UBE2E2: variants seen among roughly 807,000 people sequenced by gnomAD.
The protein encoded by UBE2E2 is ubiquitin conjugating enzyme E2 E2.
UBE2E2 carries 6 observed loss-of-function variants against 24.7 expected under a neutral mutation model. The observed-to-expected ratio is 0.24, with a 90% CI of 0.13 to 0.48. UBE2E2 has a LOEUF of 0.48. Among genes scored for constraint, UBE2E2 ranks in the 20% least tolerant of loss-of-function variants. The pLI, the probability that UBE2E2 is intolerant of heterozygous loss-of-function variation, is 0.99. For missense variants in UBE2E2, 169 were observed against 245.0 expected (o/e 0.69, Z 2.07); for synonymous variants, 104 against 83.6 (o/e 1.24, Z -1.33).
At chr3:23,380,555 C>CT (rs893960574) in intron 3 of UBE2E2, among the ~76,000 whole-genome samples, 3 of 152,162 alleles carry the variant, frequency 2.0e-5, no homozygotes, top group African/African-American at 7.2e-5. Flanking sequence ...CCTCCCTGCC[C>CT]TATACCTTCT....
At chr3:23,249,523 A>G (rs17029562) in intron 3 of UBE2E2, among the ~76,000 whole-genome samples, 2,167 of 152,312 alleles carry the variant, frequency 0.014, 53 homozygotes, top group African/African-American at 0.05. Context: ...AAGCAAAGAG[A>G]TTGATTCAGG....
intron 4 of UBE2E2, among the ~76,000 whole-genome samples, chr3:23,512,987 T>C (rs1694642673): frequency 1.3e-5 from 2 of 152,174 alleles, no homozygotes; most frequent in South Asian, 2.1e-4. Flanking sequence ...ATGTACAGTA[T>C]ACTATATATA....
intron 3 of UBE2E2, among the ~76,000 whole-genome samples, chr3:23,267,150 A>G (rs1698072327): frequency 6.6e-6 from 1 of 151,336 alleles, no homozygotes. Flanking sequence ...AAGAACTAGA[A>G]AAGCAAGAGC....
intron 5 of UBE2E2, among the ~76,000 whole-genome samples, chr3:23,582,807 C>T (rs1031809418): frequency 2.0e-5 from 3 of 149,402 alleles, no homozygotes; most frequent in South Asian, 2.1e-4. Flanking sequence ...TTGTTAGATG[C>T]GTAGTTTGCA....
At chr3:23,289,918 T>C (rs745757156) in intron 3 of UBE2E2, among the ~76,000 whole-genome samples, 12 of 152,234 alleles carry the variant, frequency 7.9e-5, no homozygotes, top group Non-Finnish European at 1.6e-4. Flanking sequence ...TTAAAAAATA[T>C]GACCATACTT....
chr3:23,451,552 G>T (rs966818249), intron 3 of UBE2E2, among the ~76,000 whole-genome samples: 3 of 152,162 alleles, frequency 2.0e-5, no homozygotes, highest in African/African-American at 7.2e-5. Context: ...ATCTCTTAAG[G>T]AGTCTTGATT....
At chr3:23,487,368 G>A (rs751856653) in intron 3 of UBE2E2, among the ~76,000 whole-genome samples, 21 of 152,108 alleles carry the variant, frequency 1.4e-4, no homozygotes, top group South Asian at 2.1e-4. Context: ...CTGCAGCTGC[G>A]CCTAGAAGTG....
At chr3:23,452,919 C>T (rs1263250889) in intron 3 of UBE2E2, among the ~76,000 whole-genome samples, 1 of 152,256 alleles carries the variant, frequency 6.6e-6, no homozygotes, top group Admixed American at 6.5e-5. Context: ...CAAATAGCAA[C>T]TATGTATTCT....
intron 3 of UBE2E2, among the ~76,000 whole-genome samples, chr3:23,478,572 A>G (rs1699186371): frequency 6.6e-6 from 1 of 152,344 alleles, no homozygotes; most frequent in Admixed American, 6.5e-5. Flanking sequence ...AATATTAAGA[A>G]TAGAGCCTCC....
At chr3:23,451,112 T>A (rs938088928) in intron 3 of UBE2E2, among the ~76,000 whole-genome samples, 8 of 152,222 alleles carry the variant, frequency 5.3e-5, no homozygotes, top group African/African-American at 1.9e-4. Flanking sequence ...TTTTTAAATG[T>A]TTATTAACTG....
intron 3 of UBE2E2, among the ~76,000 whole-genome samples, chr3:23,258,317 A>G (rs1003668896): frequency 2.0e-5 from 3 of 152,236 alleles, no homozygotes; most frequent in African/African-American, 7.2e-5. Flanking sequence ...AGAAAAAGAG[A>G]AAGGATGAGT....
intron 5 of UBE2E2, among the ~76,000 whole-genome samples, chr3:23,549,318 T>G (rs1449876180): frequency 6.6e-6 from 1 of 152,230 alleles, no homozygotes; most frequent in Non-Finnish European, 1.5e-5. Context: ...TATGCCTGAT[T>G]TCTCTAAGTC....
intron 4 of UBE2E2, among the ~76,000 whole-genome samples, chr3:23,522,148 T>TTGAGGCA (rs58369100): frequency 0.15 from 16,958 of 113,704 alleles, 1,145 homozygotes; most frequent in African/African-American, 0.21. Flanking sequence ...TTTTTTTTTT[T>TTGAGGCA]GAGGCAGAGT....
At chr3:23,210,110 T>C (rs1696279523) in intron 2 of UBE2E2, among the ~76,000 whole-genome samples, 3 of 151,070 alleles carry the variant, frequency 2.0e-5, no homozygotes, top group Admixed American at 1.3e-4. Context: ...GGGGGTGGGG[T>C]TAGGATGGAT....
chr3:23,467,840 T>G (rs1341841958), intron 3 of UBE2E2, among the ~76,000 whole-genome samples: 1 of 152,118 alleles, frequency 6.6e-6, no homozygotes, highest in Admixed American at 6.6e-5. Context: ...AAACTTACAA[T>G]CATGGCAGAA....
chr3:23,361,081 T>C (rs1696101486), intron 3 of UBE2E2, among the ~76,000 whole-genome samples: 1 of 152,134 alleles, frequency 6.6e-6, no homozygotes, highest in Non-Finnish European at 1.5e-5. Context: ...GAAGAAATGC[T>C]CAACATCACT....
rs1480523422 is a variant in UBE2E2 at position 23,208,761 on chromosome 3, G to C, written c.62G>C (p.Gly21Ala). ...SPSTSGGSSD[G>A]DQRESVQQEP... is the part of the protein sequence containing the mutation. ...AGCACTAGTGGAGGAAGTTCCGATGGAGATCAACGTGAAAGTGTTCAGCAA... is the reference window on the plus strand; with the variant it reads ...AGCACTAGTGGAGGAAGTTCCGATGCAGATCAACGTGAAAGTGTTCAGCAA... The change falls in exon 2 of 6, where the codon GGA becomes GCA. Residue 21 changes from glycine to alanine, a missense_variant. Around this residue, in one of 2 missense-constraint regions of UBE2E2, gnomAD observed 64 missense variants for 64.3 expected, o/e 1.00. Coordinates refer to ENST00000396703, the MANE Select transcript of UBE2E2 (RefSeq NM_152653.4). 1.4e-5 allele frequency: 22 copies of C among 1,613,734 alleles called. No homozygotes were observed. Among genetic ancestry groups the C allele is most frequent in the Non-Finnish European group, 1.8e-5 (21 of 1,179,780 alleles).
At chr3:23,563,176 A>T (rs919864667) in intron 5 of UBE2E2, among the ~76,000 whole-genome samples, 3 of 152,072 alleles carry the variant, frequency 2.0e-5, no homozygotes, top group African/African-American at 7.2e-5. Context: ...TGTCAATTTT[A>T]GATCTTTCCT....
At chr3:23,303,608 C>T (rs958399607) in intron 3 of UBE2E2, among the ~76,000 whole-genome samples, 18 of 152,066 alleles carry the variant, frequency 1.2e-4, no homozygotes, top group Non-Finnish European at 2.4e-4. Context: ...AATAAGAATG[C>T]ATTTAAATAT....
Sources: gnomAD v4.1 joint callset for allele counts (sites outside exome capture counted in the v4.1 genomes callset) on GRCh38, gnomAD v4.1.1 for gene constraint, gnomAD v4.1.1 regional missense constraint, MANE v1.5 for transcripts, NCBI Gene and HGNC (gene_info 2026-07-23, HGNC 2026-07-21) for gene names.